TENM2: variants seen among roughly 807,000 people sequenced by gnomAD.
TENM2 encodes the protein teneurin-2.
TENM2 carries 52 observed loss-of-function variants against 245.2 expected under a neutral mutation model. The observed-to-expected ratio is 0.21, with a 90% confidence interval of 0.17 to 0.27. TENM2 has a LOEUF of 0.27. Ranked by LOEUF, TENM2 falls within the 10% of genes least tolerant of loss-of-function variation. TENM2 has a pLI of 1.00. For synonymous variants in TENM2, 1,363 were observed against 1,438.9 expected, an observed-to-expected ratio of 0.95 and a Z score of 1.19; for missense variants, 3,046 against 3,666.8, an observed-to-expected ratio of 0.83 and a Z score of 4.37.
At chr5:168,192,629 A>G (rs1346779908) in intron 14 of TENM2, among the ~76,000 whole-genome samples, 1 of 152,226 alleles carries the variant, frequency 6.6e-6, no homozygotes, top group Non-Finnish European at 1.5e-5. Context: ...TTCTTTTAGT[A>G]GAAGAACCTC....
chr5:167,611,309 A>G (rs911505442), intron 2 of TENM2, among the ~76,000 whole-genome samples: 1 of 152,126 alleles, frequency 6.6e-6, no homozygotes, highest in Non-Finnish European at 1.5e-5. Flanking sequence ...AGGAGCAACC[A>G]TGGGTGAAAC....
At chr5:167,743,251 C>G (rs17069080) in intron 2 of TENM2, among the ~76,000 whole-genome samples, 19 of 152,036 alleles carry the variant, frequency 1.2e-4, no homozygotes, top group Admixed American at 4.6e-4. Flanking sequence ...AATGTCTCCC[C>G]GCATGAAACC....
chr5:167,452,170 T>C lies in TENM2; in HGVS notation c.502+76697T>C, dbSNP rs187770495. 3.4e-3 allele frequency among the ~76,000 whole-genome samples: 515 copies of C among 152,354 alleles called. 4 individuals carry two copies. The highest frequency in any genetic ancestry group is 0.012 in the African/African-American group (496 of 41,590). The stretch of plus-strand genomic sequence containing the variant: ...GAAATATTGGCTCAAATCAGCTATG[T>C]ACTTGCTTCTGGCTTCTGAGTGGGG... On this transcript the variant is annotated intron_variant, in intron 2 of 28. Transcript: ENST00000518659.
intron 2 of TENM2, among the ~76,000 whole-genome samples, chr5:167,745,256 C>T (rs752549624): frequency 3.4e-4 from 52 of 152,230 alleles, no homozygotes; most frequent in Admixed American, 9.2e-4. Context: ...CGCATTTCTG[C>T]GGACATTGGC....
At chr5:167,040,703 T>C in the TENM2 span, among the ~76,000 whole-genome samples, 2 of 152,220 alleles carry the variant, frequency 1.3e-5, no homozygotes, top group African/African-American at 4.8e-5. Flanking sequence ...TTCCATACAC[T>C]GTATTTTATA....
chr5:168,200,484 CAGA>C (rs1468878461), intron 17 of TENM2, among the ~76,000 whole-genome samples: 4 of 152,150 alleles, frequency 2.6e-5, no homozygotes, highest in Non-Finnish European at 5.9e-5. Context: ...ACATGAAAAT[CAGA>C]AGAAGAGGAT....
chr5:167,802,546 C>T (rs573856137), intron 2 of TENM2, among the ~76,000 whole-genome samples: 2 of 152,230 alleles, frequency 1.3e-5, no homozygotes, highest in South Asian at 2.1e-4. Flanking sequence ...ATGTGTGATC[C>T]TCTTAGATGG....
intron 2 of TENM2, among the ~76,000 whole-genome samples, chr5:167,465,657 G>A (rs984389310): frequency 1.3e-5 from 2 of 152,270 alleles, no homozygotes; most frequent in East Asian, 1.9e-4. Context: ...GTGAAACCCC[G>A]TGTCTACTAA....
intron 2 of TENM2, among the ~76,000 whole-genome samples, chr5:167,579,800 G>A (rs866731646): frequency 8.5e-5 from 13 of 152,132 alleles, no homozygotes; most frequent in Non-Finnish European, 1.9e-4. Flanking sequence ...TGAATAAATA[G>A]CATTAGATTG....
intron 5 of TENM2, among the ~76,000 whole-genome samples, chr5:168,012,880 T>A (rs193078942): frequency 2.0e-5 from 3 of 151,950 alleles, no homozygotes; most frequent in Admixed American, 2.0e-4. Context: ...GCATCGTTTC[T>A]GCTGCTCAGT....
At chr5:167,097,393 C>A in the TENM2 span, among the ~76,000 whole-genome samples, 1 of 152,230 alleles carries the variant, frequency 6.6e-6, no homozygotes, top group Non-Finnish European at 1.5e-5. Context: ...CTTAATGTAG[C>A]ATGCTGTTAA....
intron 7 of TENM2, among the ~76,000 whole-genome samples, chr5:168,074,253 A>C (rs1396901413): frequency 6.6e-6 from 1 of 152,072 alleles, no homozygotes; most frequent in Non-Finnish European, 1.5e-5. Flanking sequence ...TGGAACTTGA[A>C]AACCACAATT....
rs567453564 is a variant in TENM2, at chr5:168,079,363, A to C, written c.1516-11211A>C. ...AATGGGGTTTTCTAAATATACAATC[A>C]TGTCATCTGCAAACAGGGACAATTT... On this transcript the variant is annotated intron_variant, in intron 7 of 28. Transcript: ENST00000518659. Among the ~76,000 whole-genome samples, 3 of 152,202 alleles carry C rather than the reference A, an allele frequency of 2.0e-5. No individual in the cohort carries two copies. In the South Asian group the frequency reaches 6.2e-4, roughly 31 times the overall value.
intron 4 of TENM2, among the ~76,000 whole-genome samples, chr5:167,984,590 G>A (rs537231702): frequency 6.6e-6 from 1 of 152,170 alleles, no homozygotes; most frequent in Non-Finnish European, 1.5e-5. Flanking sequence ...GGGAGGTGGA[G>A]GTTGCAGTGA....
chr5:167,058,799 G>C, the TENM2 span, among the ~76,000 whole-genome samples: 9 of 152,048 alleles, frequency 5.9e-5, no homozygotes, highest in African/African-American at 1.7e-4. Flanking sequence ...AAAAGAAAAG[G>C]AAAAGAGAAA....
chr5:167,690,111 T>G (rs1227127419), intron 2 of TENM2, among the ~76,000 whole-genome samples: 1 of 150,314 alleles, frequency 6.7e-6, no homozygotes, highest in Non-Finnish European at 1.5e-5. Context: ...CTTTTTTTTT[T>G]TTTTTTTTTT....
At chr5:167,326,176 A>C (rs778362314) in intron 1 of TENM2, among the ~76,000 whole-genome samples, 1 of 152,174 alleles carries the variant, frequency 6.6e-6, no homozygotes, top group Non-Finnish European at 1.5e-5. Context: ...GCTGGACTTC[A>C]TGACAAGACA....
At chr5:167,340,201 CT>C (rs148297386) in intron 1 of TENM2, among the ~76,000 whole-genome samples, 134 of 152,272 alleles carry the variant, frequency 8.8e-4, no homozygotes, top group African/African-American at 3.1e-3. Context: ...AGAATTGCCC[CT>C]AACATCTGTA....
the TENM2 span, among the ~76,000 whole-genome samples, chr5:167,193,802 T>C: frequency 3.4e-4 from 51 of 152,174 alleles, no homozygotes; most frequent in African/African-American, 1.2e-3. Flanking sequence ...GTGCTTACTG[T>C]GTTCAAAGTG....
Sources: allele counts gnomAD v4.1 joint callset (sites outside exome capture counted in the v4.1 genomes callset), GRCh38; gene constraint gnomAD v4.1.1; transcripts MANE v1.5; gene names NCBI Gene and HGNC (gene_info 2026-07-23, HGNC 2026-07-21).